The following LNX1 variants were observed in gnomAD, a reference collection of about 807,000 sequenced individuals.
LNX1 encodes the protein ligand of numb-protein X 1.
In LNX1, 54 loss-of-function variants were observed where a neutral mutation model predicts 68.4. That is an observed-to-expected ratio of 0.79 (90% CI 0.63 to 0.99). The LOEUF (loss-of-function observed/expected upper bound fraction) is 0.99. Among genes scored for constraint, LNX1 ranks in the 50% least tolerant of loss-of-function variants. The pLI is 0.00. For synonymous variants in LNX1, 336 were observed against 350.0 expected (o/e 0.96, Z 0.45); for missense variants, 906 against 926.4 (o/e 0.98, Z 0.29).
intron 1 of LNX1, among the ~76,000 whole-genome samples, chr4:53,624,777 C>T (rs1334796904): frequency 2.0e-5 from 3 of 152,078 alleles, no homozygotes; most frequent in Non-Finnish European, 2.9e-5. Flanking sequence ...GAGCACTGCA[C>T]GTGCACAGTA....
intron 1 of LNX1, among the ~76,000 whole-genome samples, chr4:53,639,351 G>A (rs1734592748): frequency 6.6e-6 from 1 of 152,052 alleles, no homozygotes. Context: ...GAGTGAGTGG[G>A]GGTAAGGATT....
chr4:53,642,368 C>T (rs1344102014), intron 1 of LNX1, among the ~76,000 whole-genome samples: 1 of 151,400 alleles, frequency 6.6e-6, no homozygotes, highest in Non-Finnish European at 1.5e-5. Flanking sequence ...TGCTTTTGAA[C>T]ATATTAAAAA....
At chr4:53,631,377 G>T (rs1233840272) in intron 1 of LNX1, among the ~76,000 whole-genome samples, 4 of 152,222 alleles carry the variant, frequency 2.6e-5, no homozygotes, top group African/African-American at 9.7e-5. Context: ...ACCTGCTAAA[G>T]AAGACCTGAA....
At chr4:53,523,215 G>A (rs969265114) in intron 2 of LNX1, 43 of 152,168 alleles carry the variant, frequency 2.8e-4, no homozygotes, top group African/African-American at 1.0e-3. Flanking sequence ...CAAAGAATAA[G>A]GATTGTTATG....
At chr4:53,625,397 TAAGC>T (rs1734034431) in intron 1 of LNX1, among the ~76,000 whole-genome samples, 2 of 151,994 alleles carry the variant, frequency 1.3e-5, no homozygotes, top group Admixed American at 6.6e-5. Flanking sequence ...AGTTAAAAAA[TAAGC>T]AAAGGATTTG....
intron 2 of LNX1, among the ~76,000 whole-genome samples, chr4:53,597,565 G>A (rs1732807085): frequency 1.3e-5 from 2 of 152,114 alleles, no homozygotes; most frequent in Admixed American, 6.5e-5. Flanking sequence ...TGGACAGCAG[G>A]GCAAACTTGG....
chr4:53,485,468 G>A (rs2109431969), intron 6 of LNX1, among the ~76,000 whole-genome samples: 1 of 152,334 alleles, frequency 6.6e-6, no homozygotes, highest in East Asian at 1.9e-4. Context: ...ACATTTTCAA[G>A]GACAAATTTC....
chr4:53,617,747 G>A (rs1402677320), upstream of LNX1, among the ~76,000 whole-genome samples: 2 of 152,184 alleles, frequency 1.3e-5, no homozygotes, highest in African/African-American at 4.8e-5. Context: ...GTAATACAGA[G>A]ATGTTATTGA....
At chr4:53,502,992 G>A (rs1426541315) in intron 4 of LNX1, among the ~76,000 whole-genome samples, 1 of 151,102 alleles carries the variant, frequency 6.6e-6, no homozygotes. Flanking sequence ...GTGCAGTGGT[G>A]CGATCTCGGC....
At chr4:53,469,170 C>A (rs1722946838) in intron 9 of LNX1, among the ~76,000 whole-genome samples, 1 of 152,150 alleles carries the variant, frequency 6.6e-6, no homozygotes, top group African/African-American at 2.4e-5. Flanking sequence ...CAAACTAGAA[C>A]TCAGGATTAA....
intron 1 of LNX1, chr4:53,576,122 T>C (rs1731475570): frequency 8.3e-6 from 13 of 1,557,540 alleles, no homozygotes; most frequent in Admixed American, 1.9e-5. Flanking sequence ...CAGCGGCCCC[T>C]CCTTGATTCT....
At chr4:53,538,643 C>T (rs1215784977) in intron 2 of LNX1, among the ~76,000 whole-genome samples, 5 of 152,190 alleles carry the variant, frequency 3.3e-5, no homozygotes, top group African/African-American at 1.2e-4. Context: ...AAGCTCTTCC[C>T]CATGTAGCCT....
chr4:53,474,840 C>T lies in LNX1; in HGVS notation c.1892+1913G>A, dbSNP rs1240092939. Among the ~76,000 whole-genome samples, 3 of 152,060 alleles carry T rather than the reference C, an allele frequency of 2.0e-5. No individual in the cohort carries two copies. The East Asian group carries it at 5.8e-4, about 29-fold the overall frequency. On this transcript the variant is annotated intron_variant, in intron 9 of 10. Transcript: ENST00000263925. ...GGAGTGCAGTGGCGCGATCTCAGCT[C>T]ACTGCAACCTCCGCCTCCTGGGTTC... is the stretch of plus-strand genomic sequence containing the variant.
intron 1 of LNX1, among the ~76,000 whole-genome samples, chr4:53,647,213 T>C (rs1734918744): frequency 6.6e-6 from 1 of 152,218 alleles, no homozygotes; most frequent in Non-Finnish European, 1.5e-5. Context: ...TCCTTTCACA[T>C]ACAACCTTTG....
At chr4:53,498,572 C>A in intron 5 of LNX1, 69 bp downstream of exon 5, 1 of 1,093,822 alleles carries the variant, frequency 9.1e-7, no homozygotes, top group Non-Finnish European at 1.4e-6. Context: ...TCCATCTATC[C>A]AATTGTTTGC....
At chr4:53,618,727 A>G (rs1479201301), upstream of LNX1, among the ~76,000 whole-genome samples, 1 of 152,226 alleles carries the variant, frequency 6.6e-6, no homozygotes, top group Admixed American at 6.5e-5. Flanking sequence ...CCACATTTGA[A>G]AAGCAAAAAT....
intron 1 of LNX1, among the ~76,000 whole-genome samples, chr4:53,576,786 G>A (rs1488318655): frequency 3.9e-5 from 6 of 152,116 alleles, no homozygotes; most frequent in Admixed American, 3.9e-4. Context: ...TTTGGAAACA[G>A]CCCAGCAGTC....
chr4:53,561,151 T>A (rs745475951), intron 2 of LNX1, among the ~76,000 whole-genome samples: 2 of 152,244 alleles, frequency 1.3e-5, no homozygotes, highest in Non-Finnish European at 2.9e-5. Context: ...ACAATTATTA[T>A]GAGATGCTTA....
intron 2 of LNX1, among the ~76,000 whole-genome samples, chr4:53,508,940 T>TA (rs5858217): frequency 0.96 from 144,991 of 151,306 alleles, 69,770 homozygotes; most frequent in Non-Finnish European, 1. Flanking sequence ...ATCCATGCTA[T>TA]AAAAAAAAAT....
Sources: allele counts gnomAD v4.1 joint callset (sites outside exome capture counted in the v4.1 genomes callset), GRCh38; gene constraint gnomAD v4.1.1; transcripts MANE v1.5; gene names NCBI Gene and HGNC (gene_info 2026-07-23, HGNC 2026-07-21).